The following MDGA2 variants were observed in gnomAD, a reference collection of about 807,000 sequenced individuals.
The protein encoded by MDGA2 is MAM domain-containing glycosylphosphatidylinositol anchor protein 2.
MDGA2 carries 40 observed loss-of-function variants against 117.8 expected under a neutral mutation model. The ratio of observed to expected loss-of-function variants is 0.34; its 90% CI spans 0.26 to 0.44. The LOEUF is 0.44. Ranked by LOEUF, MDGA2 falls within the 20% of genes least tolerant of loss-of-function variation. The probability of loss-of-function intolerance (pLI) is 1.00; values close to 1 mark genes in which losing one functional copy is unlikely to be tolerated. For missense variants in MDGA2, 1,123 were observed against 1,250.6 expected (o/e 0.90, Z 1.54); for synonymous variants, 452 against 439.0 (o/e 1.03, Z -0.37).
chr14:47,400,660 T>C (rs1170908712), intron 1 of MDGA2, among the ~76,000 whole-genome samples: 1 of 146,304 alleles, frequency 6.8e-6, no homozygotes, highest in Non-Finnish European at 1.5e-5. Flanking sequence ...CACTCCAACC[T>C]GGGCGACGAA....
chr14:47,432,673 AAG>A (rs890717072), intron 1 of MDGA2, among the ~76,000 whole-genome samples: 4 of 152,116 alleles, frequency 2.6e-5, no homozygotes, highest in African/African-American at 9.7e-5. Flanking sequence ...ATTTGAAAAA[AAG>A]AAAATTTTAA....
intron 6 of MDGA2, among the ~76,000 whole-genome samples, chr14:47,074,867 C>CT (rs1366300273): frequency 1.3e-5 from 2 of 152,174 alleles, no homozygotes; most frequent in Non-Finnish European, 2.9e-5. Flanking sequence ...TCTCAACTCT[C>CT]TGAGATACAG....
At chr14:46,879,563 G>C (rs1315084686) in intron 11 of MDGA2, among the ~76,000 whole-genome samples, 4 of 152,052 alleles carry the variant, frequency 2.6e-5, no homozygotes, top group Non-Finnish European at 5.9e-5. Flanking sequence ...TTTCCTGCAT[G>C]TGTTTTTCAT....
intron 1 of MDGA2, among the ~76,000 whole-genome samples, chr14:47,307,833 T>C (rs1889505310): frequency 6.6e-6 from 1 of 152,154 alleles, no homozygotes; most frequent in African/African-American, 2.4e-5. Flanking sequence ...TAGTTGATGC[T>C]ACATAGAATA....
At chr14:46,934,658 G>T (rs1263773059) in intron 9 of MDGA2, among the ~76,000 whole-genome samples, 1 of 152,102 alleles carries the variant, frequency 6.6e-6, no homozygotes, top group African/African-American at 2.4e-5. Flanking sequence ...GAGAGGTTCT[G>T]TGTCTACCTT....
At chr14:46,898,486 T>C (rs537159330) in intron 10 of MDGA2, among the ~76,000 whole-genome samples, 5 of 152,004 alleles carry the variant, frequency 3.3e-5, no homozygotes, top group South Asian at 4.1e-4. Context: ...ATGTTTGAGA[T>C]AGAATAGGTT....
At chr14:47,383,093 C>G (rs1350493508) in intron 1 of MDGA2, among the ~76,000 whole-genome samples, 2 of 152,146 alleles carry the variant, frequency 1.3e-5, no homozygotes, top group Non-Finnish European at 2.9e-5. Flanking sequence ...TCTGAGCAAA[C>G]TGTCACAAGG....
rs1890014402 is a variant in MDGA2 at position 47,322,627 on chromosome 14, CGTAA to C, written c.281-21081_281-21078del. Reference sequence around the variant, plus strand: ...CACGACCCAGAAAACGCAACCTGCACGTAAGTAACGTAACTTCTGTGGTATATCC... The same window carrying C: ...CACGACCCAGAAAACGCAACCTGCACGTAACGTAACTTCTGTGGTATATCC... On this transcript the variant is annotated intron_variant, in intron 1 of 16. Coordinates refer to ENST00000399232, the MANE Select transcript of MDGA2 (RefSeq NM_001113498.3). 3.3e-5 allele frequency among the ~76,000 whole-genome samples: 5 copies of C among 152,192 alleles called. No individual in the cohort carries two copies. In the South Asian group the frequency reaches 1.0e-3, roughly 32 times the overall value.
intron 3 of MDGA2, among the ~76,000 whole-genome samples, chr14:47,170,616 T>C (rs922040722): frequency 1.3e-5 from 2 of 152,212 alleles, no homozygotes; most frequent in African/African-American, 4.8e-5. Context: ...TATGAACATT[T>C]TGTTTAGGGG....
intron 3 of MDGA2, among the ~76,000 whole-genome samples, chr14:47,172,943 G>A (rs1884231532): frequency 6.6e-6 from 1 of 152,158 alleles, no homozygotes; most frequent in Admixed American, 6.5e-5. Flanking sequence ...CCAATACAGA[G>A]AAGTGCTTAA....
At chr14:47,254,998 A>T (rs1887569445) in intron 2 of MDGA2, among the ~76,000 whole-genome samples, 1 of 152,178 alleles carries the variant, frequency 6.6e-6, no homozygotes, top group Non-Finnish European at 1.5e-5. Flanking sequence ...AAATGGCATG[A>T]GCGAAACCTC....
chr14:47,171,994 A>G (rs1375976100), intron 3 of MDGA2, among the ~76,000 whole-genome samples: 1 of 152,082 alleles, frequency 6.6e-6, no homozygotes, highest in African/African-American at 2.4e-5. Context: ...AGGAGATTAT[A>G]TCCCGCACAT....
intron 9 of MDGA2, among the ~76,000 whole-genome samples, chr14:46,939,859 A>G (rs1035197860): frequency 2.6e-5 from 4 of 152,204 alleles, no homozygotes; most frequent in Non-Finnish European, 5.9e-5. Flanking sequence ...AGTCCATTTT[A>G]CACTAATTTC....
At chr14:47,544,206 T>C (rs900358226) in intron 1 of MDGA2, among the ~76,000 whole-genome samples, 2 of 152,194 alleles carry the variant, frequency 1.3e-5, no homozygotes, top group Admixed American at 6.5e-5. Context: ...TCAAATTGTG[T>C]TCATGCCTAA....
Position 47,546,077 on chromosome 14 carries a change from G to C in MDGA2, c.280+128440C>G, listed in dbSNP as rs955302934. On this transcript the variant is annotated intron_variant, in intron 1 of 16. Transcript: ENST00000399232. ...GAGAAAAACAAAACTATTATGCCAA[G>C]TAGTATATTGGTATGCTAAAATAAA... Among the ~76,000 whole-genome samples, 6 of 152,184 alleles carry C rather than the reference G, an allele frequency of 3.9e-5. No homozygotes were observed. The East Asian group carries it at 1.2e-3, about 29-fold the overall frequency.
At chr14:47,426,404 T>G (rs1435909410) in intron 1 of MDGA2, among the ~76,000 whole-genome samples, 1 of 152,002 alleles carries the variant, frequency 6.6e-6, no homozygotes, top group Non-Finnish European at 1.5e-5. Flanking sequence ...CCTACTTTTT[T>G]TGAGCCCTTT....
chr14:47,264,401 A>G (rs1183059349), intron 2 of MDGA2, among the ~76,000 whole-genome samples: 2 of 152,148 alleles, frequency 1.3e-5, no homozygotes, highest in Non-Finnish European at 2.9e-5. Flanking sequence ...TTCTTAAAGC[A>G]TATTTTTGGA....
chr14:46,905,794 A>T (rs1007719503), intron 10 of MDGA2, among the ~76,000 whole-genome samples: 2 of 152,084 alleles, frequency 1.3e-5, no homozygotes, highest in South Asian at 4.1e-4. Context: ...ACTGAAACAA[A>T]ACAAAACAAA....
At chr14:46,964,918 A>ATTTTTTTTTTTT (rs1566549134) in intron 8 of MDGA2, among the ~76,000 whole-genome samples, 9 of 95,348 alleles carry the variant, frequency 9.4e-5, no homozygotes, top group African/African-American at 1.3e-4. Context: ...ATATATATTT[A>ATTTTTTTTTTTT]CTTTTTTTTT....
Sources: allele counts gnomAD v4.1 joint callset (sites outside exome capture counted in the v4.1 genomes callset), GRCh38; gene constraint gnomAD v4.1.1; transcripts MANE v1.5; gene names NCBI Gene and HGNC (gene_info 2026-07-23, HGNC 2026-07-21).